CABIN1: variants seen among roughly 807,000 people sequenced by gnomAD.
CABIN1 encodes the protein calcineurin binding protein 1.
In CABIN1, 133 loss-of-function variants were observed where a neutral mutation model predicts 227.7. The ratio of observed to expected loss-of-function variants is 0.58; its 90% CI spans 0.51 to 0.67. CABIN1 has a LOEUF of 0.67. CABIN1 is among the 30% of genes least tolerant of loss of function. The pLI is 0.00. For missense variants in CABIN1, 2,408 were observed against 2,852.5 expected (o/e 0.84, Z 3.55); for synonymous variants, 1,086 against 1,155.1 (o/e 0.94, Z 1.21).
chr22:24,164,251 C>G (rs962597990), intron 29 of CABIN1, 149 bp from the exon 30 acceptor site: 33 of 927,194 alleles, frequency 3.6e-5, no homozygotes, highest in Non-Finnish European at 5.6e-5. Context: ...CTTCTGTCTC[C>G]TTGGGACAGT....
chr22:24,172,872 G>T (rs541149495), intron 34 of CABIN1, among the ~76,000 whole-genome samples: 2 of 152,294 alleles, frequency 1.3e-5, no homozygotes, highest in East Asian at 3.9e-4. Context: ...TGCCACCCAG[G>T]GCAGGGAGCC....
At chr22:24,097,007 G>A (rs1158624197) in intron 25 of CABIN1, among the ~76,000 whole-genome samples, 2 of 152,234 alleles carry the variant, frequency 1.3e-5, no homozygotes, top group African/African-American at 4.8e-5. Context: ...CACCACAGGT[G>A]AGCCAGCTCC....
rs371631657 is a variant in CABIN1 at position 24,148,533 on chromosome 22, C to G, written c.4746+14118C>G. ...CCTGGTCGAAGTCCAGCATAATCCT[C>G]TGATCTTCCCTGTTTGCCTGCTCCC... On this transcript the variant is annotated intron_variant, in intron 29 of 36. Coordinates refer to ENST00000263119, the MANE Select transcript of CABIN1 (RefSeq NM_012295.4). Among the ~76,000 whole-genome samples the G allele has an allele frequency of 1.2e-4, 19 of 152,364 alleles. No homozygotes were observed. In the East Asian group the frequency reaches 1.9e-3, roughly 15 times the overall value.
intron 1 of CABIN1, among the ~76,000 whole-genome samples, chr22:24,020,312 A>G (rs1285572989): frequency 3.3e-5 from 5 of 151,768 alleles, no homozygotes; most frequent in Non-Finnish European, 7.4e-5. Flanking sequence ...TTTTTTTGTT[A>G]GTATCTATTT....
Position 24,151,284 on chromosome 22 carries a change from T to C in CABIN1, c.4747-13116T>C, listed in dbSNP as rs537508276. On this transcript the variant is annotated intron_variant, in intron 29 of 36. Coordinates refer to ENST00000263119, the MANE Select transcript of CABIN1 (RefSeq NM_012295.4). ...CAGGGAGGACACCTGGCACAGACCATGGCAACTGCCACCATTCATGGCCTG... is the reference window on the plus strand; with the variant it reads ...CAGGGAGGACACCTGGCACAGACCACGGCAACTGCCACCATTCATGGCCTG... Among the ~76,000 whole-genome samples, 9 of 152,246 alleles carry C rather than the reference T, an allele frequency of 5.9e-5. No individual in the cohort carries two copies. The South Asian group carries it at 1.7e-3, about 28-fold the overall frequency.
intron 29 of CABIN1, among the ~76,000 whole-genome samples, chr22:24,147,143 T>C (rs1294381390): frequency 6.6e-6 from 1 of 152,214 alleles, no homozygotes; most frequent in African/African-American, 2.4e-5. Flanking sequence ...CATTCCTGAA[T>C]AGAGGAGCAT....
chr22:24,122,779 G>A (rs2043497953), intron 28 of CABIN1, among the ~76,000 whole-genome samples: 1 of 151,968 alleles, frequency 6.6e-6, no homozygotes, highest in African/African-American at 2.4e-5. Flanking sequence ...TTCAGATTTT[G>A]GAACAATTTG....
chr22:24,156,059 C>A, intron 29 of CABIN1: 1 of 435,252 alleles, frequency 2.3e-6, no homozygotes, highest in Non-Finnish European at 4.1e-6. Flanking sequence ...TGCACAGATG[C>A]CACGGCGGAG....
chr22:24,037,714 C>T (rs1336782279), intron 3 of CABIN1, among the ~76,000 whole-genome samples: 1 of 152,152 alleles, frequency 6.6e-6, no homozygotes, highest in Non-Finnish European at 1.5e-5. Flanking sequence ...GGGTGTCCTA[C>T]AATTCAATTC....
chr22:24,060,906 A>G (rs1030072538), intron 12 of CABIN1, among the ~76,000 whole-genome samples: 5 of 152,136 alleles, frequency 3.3e-5, no homozygotes, highest in Non-Finnish European at 5.9e-5. Flanking sequence ...GTCTCAAAAA[A>G]AAAAAATTTG....
chr22:24,140,663 G>T (rs973163627), intron 29 of CABIN1, among the ~76,000 whole-genome samples: 1 of 152,228 alleles, frequency 6.6e-6, no homozygotes, highest in East Asian at 1.9e-4. Flanking sequence ...CAAAATGTTT[G>T]CTTATTTTAG....
At position 24,064,076 on chromosome 22, in the gene CABIN1, A is replaced by G. The variant is rs1246693247; in HGVS notation, c.1926A>G (p.Thr642=). The change falls in exon 15 of 37, where the codon ACA becomes ACG. Residue 642 remains threonine, a synonymous_variant. Transcript: ENST00000263119. ...EQALENYDIC[T]EMLQSSTAIQ... ...CCCTGGAGAACTATGACATCTGCAC[A>G]GAAATGCTCCAGAGTTCCACCGCCA... The G allele has an allele frequency of 1.2e-6, 2 of 1,614,074 alleles. No individual in the cohort carries two copies. Among genetic ancestry groups the G allele is most frequent in the Non-Finnish European group, 8.5e-7 (1 of 1,180,024 alleles).
chr22:24,035,601 G>T (rs2036815562), intron 2 of CABIN1, 81 bp downstream of exon 2: 1 of 1,557,732 alleles, frequency 6.4e-7, no homozygotes, highest in Non-Finnish European at 8.9e-7. Context: ...GCATTTTCCT[G>T]TTAGATTCTG....
intron 27 of CABIN1, among the ~76,000 whole-genome samples, chr22:24,117,327 G>A (rs547120442): frequency 2.6e-4 from 39 of 152,158 alleles, no homozygotes; most frequent in African/African-American, 8.9e-4. Flanking sequence ...TCAGCCTCCC[G>A]AGTAGCTGGA....
rs565647857 is a variant in CABIN1 at position 24,102,651 on chromosome 22, G to A, written c.4117+4459G>A. Among the ~76,000 whole-genome samples the A allele has an allele frequency of 3.3e-5, 5 of 152,286 alleles. No individual in the cohort carries two copies. In the South Asian group the frequency reaches 1.0e-3, roughly 32 times the overall value. On this transcript the variant is annotated intron_variant, in intron 26 of 36. Coordinates refer to ENST00000263119, the MANE Select transcript of CABIN1 (RefSeq NM_012295.4). The stretch of plus-strand genomic sequence containing the variant: ...GTGGGGTAAGAGGCCTTTCCGAGGA[G>A]GCAAAGTTTAGCCAAGATCCGAGGG...
chr22:24,066,189 CA>C (rs910825356), intron 15 of CABIN1, among the ~76,000 whole-genome samples: 1 of 152,188 alleles, frequency 6.6e-6, no homozygotes, highest in Admixed American at 6.5e-5. Flanking sequence ...GTTGGGAAGA[CA>C]GGAGAGGCCT....
chr22:24,041,170 T>C lies in CABIN1; in HGVS notation c.242T>C (p.Leu81Ser). 6.2e-7 allele frequency: 1 copy of C among 1,614,198 alleles called. No homozygotes were observed. The highest frequency in any genetic ancestry group is 8.5e-7 in the Non-Finnish European group (1 of 1,180,028). ...TCATCCGGTGATGAGAAAGAGGGGT[T>C]GAAACACCCTGGGCTGATACTGAAA... ...AVSSGDEKEG[L>S]KHPGLILKYS... The change falls in exon 5 of 37, where the codon TTG (leucine) becomes TCG (serine). Residue 81 changes from leucine (L) to serine (S), a missense_variant. This residue lies in a region of CABIN1 where 1,045 missense variants were observed against 1,168.4 expected (regional missense o/e 0.89). Transcript: ENST00000263119.
chr22:24,011,658 T>G (rs1463398122), intron 1 of CABIN1: 1 of 152,288 alleles, frequency 6.6e-6, no homozygotes, highest in African/African-American at 2.4e-5. Flanking sequence ...TGGCGTCTGC[T>G]GGGTGCAAAG....
intron 28 of CABIN1, among the ~76,000 whole-genome samples, chr22:24,124,071 T>G (rs1272065509): frequency 1.3e-5 from 2 of 152,220 alleles, no homozygotes; most frequent in African/African-American, 4.8e-5. Flanking sequence ...GCAGGGCTTT[T>G]GGGGGAGGAG....
Sources: allele counts gnomAD v4.1 joint callset (sites outside exome capture counted in the v4.1 genomes callset), GRCh38; gene constraint gnomAD v4.1.1; regional missense constraint gnomAD v4.1.1; transcripts MANE v1.5; gene names NCBI Gene and HGNC (gene_info 2026-07-23, HGNC 2026-07-21).